SNX6: variants seen among roughly 807,000 people sequenced by gnomAD.
SNX6 encodes sorting nexin-6.
Under a neutral mutation model 63.0 loss-of-function variants are expected in SNX6, and 34 were observed. The observed-to-expected ratio is 0.54, with a 90% CI of 0.41 to 0.72. The LOEUF (loss-of-function observed/expected upper bound fraction) is 0.72. Ranked by LOEUF, SNX6 falls within the 30% of genes least tolerant of loss-of-function variation. The pLI is 0.00. For missense variants in SNX6, 398 were observed against 471.4 expected (o/e 0.84, Z 1.44); for synonymous variants, 170 against 164.2 (o/e 1.04, Z -0.27).
chr14:34,585,937 C>T (rs1158985123), intron 9 of SNX6, among the ~76,000 whole-genome samples: 6 of 149,130 alleles, frequency 4.0e-5, no homozygotes, highest in African/African-American at 1.5e-4. Flanking sequence ...TGGAGTCTCA[C>T]TCTGTTGCCC....
intron 2 of SNX6, among the ~76,000 whole-genome samples, chr14:34,616,115 C>A (rs1312079991): frequency 6.6e-6 from 1 of 152,040 alleles, no homozygotes; most frequent in Non-Finnish European, 1.5e-5. Flanking sequence ...GCCACCACAC[C>A]CAGCTAATTT....
At chr14:34,563,573 AAG>A (rs1881029533) in intron 13 of SNX6, among the ~76,000 whole-genome samples, 1 of 146,616 alleles carries the variant, frequency 6.8e-6, no homozygotes, top group Non-Finnish European at 1.5e-5. Context: ...AAAAAAAAAT[AAG>A]AAAAAAAAAA....
intron 9 of SNX6, 75 bp from the exon 10 acceptor site, chr14:34,581,675 C>A: frequency 1.1e-6 from 1 of 871,304 alleles, no homozygotes; most frequent in Non-Finnish European, 1.9e-6. Flanking sequence ...GAATATGCTC[C>A]CAAACCATAT....
At chr14:34,578,634 GAAAAAAA>G (rs1214360269) in intron 10 of SNX6, among the ~76,000 whole-genome samples, 5 of 97,022 alleles carry the variant, frequency 5.2e-5, no homozygotes, top group Admixed American at 5.1e-4. Context: ...GTCTCAAAAA[GAAAAAAA>G]AAAAAAAAAA....
intron 8 of SNX6, 110 bp downstream of exon 8, chr14:34,592,935 C>T (rs1363442509): frequency 2.6e-6 from 2 of 765,072 alleles, no homozygotes; most frequent in African/African-American, 1.8e-5. Flanking sequence ...TAGGCTCCAA[C>T]AGACCAGTTT....
intron 2 of SNX6, among the ~76,000 whole-genome samples, chr14:34,624,771 A>G (rs1449038559): frequency 2.0e-5 from 3 of 151,916 alleles, no homozygotes; most frequent in African/African-American, 7.2e-5. Context: ...ACTCCAGCCT[A>G]GCGACAGAGC....
At chr14:34,575,678 C>T in intron 11 of SNX6, 78 bp downstream of exon 11, 2 of 635,574 alleles carry the variant, frequency 3.1e-6, no homozygotes, top group South Asian at 3.7e-5. Flanking sequence ...GATAAATCAT[C>T]ATTAACAATC....
intron 2 of SNX6, among the ~76,000 whole-genome samples, chr14:34,612,267 G>C (rs1594743845): frequency 6.6e-6 from 1 of 152,194 alleles, no homozygotes; most frequent in East Asian, 1.9e-4. Context: ...GTTTATTGTG[G>C]TAGGCTGAAC....
At chr14:34,584,312 G>GT (rs1415865096) in intron 9 of SNX6, among the ~76,000 whole-genome samples, 1 of 151,822 alleles carries the variant, frequency 6.6e-6, no homozygotes, top group Admixed American at 6.6e-5. Flanking sequence ...TTAATTTTTA[G>GT]TTTTTTTGAA....
chr14:34,587,788 C>T (rs937619515), intron 8 of SNX6, among the ~76,000 whole-genome samples: 6 of 144,484 alleles, frequency 4.2e-5, no homozygotes, highest in African/African-American at 1.3e-4. Context: ...CATGCCACCA[C>T]GGTTGGCTAA....
chr14:34,630,035 G>A, intron 1 of SNX6, 76 bp downstream of exon 1: 2 of 1,445,364 alleles, frequency 1.4e-6, no homozygotes, highest in Non-Finnish European at 1.8e-6. Flanking sequence ...TGACAGGCTG[G>A]CGCGGTCCCC....
In SNX6 at chr14:34,567,868, TCA is replaced by T; in HGVS notation, c.1065_1066del (p.Glu356ValfsTer10). On this transcript the variant is annotated frameshift_variant, in exon 12 of 14. Transcript: ENST00000362031. LOFTEE classifies it high-confidence loss of function. ...CGTAACAGTACCTTGTTTTGCAGACTCAGATATTTTTTCAAATTTCTGACAAC... is the reference window on the plus strand; with the variant it reads ...CGTAACAGTACCTTGTTTTGCAGACTGATATTTTTTCAAATTTCTGACAAC... 6.2e-7 allele frequency: 1 copy of T among 1,614,098 alleles called. No individual in the cohort carries two copies. Among genetic ancestry groups the T allele is most frequent in the Non-Finnish European group, 8.5e-7 (1 of 1,180,018 alleles).
chr14:34,606,466 T>TG (rs397820895), intron 4 of SNX6, among the ~76,000 whole-genome samples: 9,618 of 149,474 alleles, frequency 0.064, 514 homozygotes, highest in African/African-American at 0.15. Context: ...TTTTTTTTTT[T>TG]GGGGGGATGG....
At chr14:34,597,880 G>C (rs1301552935) in intron 6 of SNX6, among the ~76,000 whole-genome samples, 1 of 152,146 alleles carries the variant, frequency 6.6e-6, no homozygotes, top group East Asian at 1.9e-4. Flanking sequence ...TGGTCTACAA[G>C]AAGGCCTAGA....
chr14:34,573,510 G>A (rs1456051864), intron 11 of SNX6, among the ~76,000 whole-genome samples: 1 of 151,978 alleles, frequency 6.6e-6, no homozygotes, highest in African/African-American at 2.4e-5. Flanking sequence ...AGCAGGCAGA[G>A]GTTGCCATAA....
chr14:34,617,790 G>C (rs1446025726), intron 2 of SNX6, among the ~76,000 whole-genome samples: 1 of 151,456 alleles, frequency 6.6e-6, no homozygotes, highest in African/African-American at 2.4e-5. Flanking sequence ...GCGTGGTGGC[G>C]GGCACCTGTA....
Position 34,562,767 on chromosome 14 carries a change from A to T in SNX6, c.*355T>A. On this transcript the variant is annotated 3_prime_UTR_variant, in exon 14 of 14. Coordinates refer to ENST00000362031, the MANE Select transcript of SNX6 (RefSeq NM_152233.4). ...TTCAACAATGCATTCTGAAAAGGTT[A>T]AATTTCAGAAATTATTTAAAGGTAA... 4.8e-6 allele frequency: 1 copy of T among 206,410 alleles called. No individual in the cohort carries two copies. The highest frequency in any genetic ancestry group is 9.6e-6 in the Non-Finnish European group (1 of 104,016). 12.8% of individuals were successfully genotyped at this position (206,410 alleles called of 1,614,324 possible).
At chr14:34,563,644 CATT>C (rs1292568036) in intron 13 of SNX6, among the ~76,000 whole-genome samples, 1 of 151,800 alleles carries the variant, frequency 6.6e-6, no homozygotes, top group East Asian at 1.9e-4. Context: ...AACAGCCATT[CATT>C]ATATACACAT....
At chr14:34,586,934 G>A (rs1277369546) in intron 8 of SNX6, among the ~76,000 whole-genome samples, 5 of 144,884 alleles carry the variant, frequency 3.5e-5, no homozygotes, top group African/African-American at 1.0e-4. Flanking sequence ...GCGTGAACCC[G>A]GGAGGCGGAG....
Sources: allele counts gnomAD v4.1 joint callset (sites outside exome capture counted in the v4.1 genomes callset), GRCh38; gene constraint gnomAD v4.1.1; transcripts MANE v1.5; gene names NCBI Gene and HGNC (gene_info 2026-07-23, HGNC 2026-07-21).